HIVEP2: variants seen among roughly 807,000 people sequenced by gnomAD.
The protein encoded by HIVEP2 is HIVEP zinc finger 2.
A neutral mutation model predicts 180.7 loss-of-function variants in HIVEP2; 14 were observed. The observed-to-expected ratio is 0.08, with a 90% confidence interval of 0.05 to 0.12. HIVEP2 has a LOEUF of 0.12. Among genes scored for constraint, HIVEP2 ranks in the 10% least tolerant of loss-of-function variants. The pLI is 1.00. For missense variants in HIVEP2, 2,579 were observed against 3,008.5 expected (o/e 0.86, Z 3.34); for synonymous variants, 1,184 against 1,136.4 (o/e 1.04, Z -0.84).
Position 142,753,093 on chromosome 6 carries a change from CCATG to C in HIVEP2, c.*10_*13del. On this transcript the variant is annotated 3_prime_UTR_variant, in exon 10 of 10. Transcript: ENST00000367603. ...TGGGAAAATGTGGAAATGAAAGTCT[CCATG>C]CATCATAGATCAATGTAGCTGACTC... 6.9e-7 allele frequency: 1 copy of C among 1,450,954 alleles called. No individual in the cohort carries two copies. Among genetic ancestry groups the C allele is most frequent in the Non-Finnish European group, 9.7e-7 (1 of 1,031,610 alleles). The allele number at this position is 1,450,954 out of a possible 1,614,324, so 89.9% of individuals were successfully genotyped here.
At chr6:142,821,087 A>G (rs1222916580) in intron 2 of HIVEP2, among the ~76,000 whole-genome samples, 1 of 152,194 alleles carries the variant, frequency 6.6e-6, no homozygotes, top group African/African-American at 2.4e-5. Flanking sequence ...AGCCAGAGTC[A>G]ATCCAAATCT....
intron 1 of HIVEP2, among the ~76,000 whole-genome samples, chr6:142,863,260 T>C (rs1462998844): frequency 1.3e-5 from 2 of 151,462 alleles, no homozygotes; most frequent in African/African-American, 4.8e-5. Flanking sequence ...AACAAAACTA[T>C]ATGTTAAAAT....
chr6:142,901,899 G>A (rs1777142344), intron 1 of HIVEP2, among the ~76,000 whole-genome samples: 1 of 152,146 alleles, frequency 6.6e-6, no homozygotes, highest in African/African-American at 2.4e-5. Flanking sequence ...GGCAAAACAG[G>A]TGGATAAAAT....
chr6:142,809,210 G>T (rs1562243965), intron 2 of HIVEP2, among the ~76,000 whole-genome samples: 1 of 151,970 alleles, frequency 6.6e-6, no homozygotes, highest in Non-Finnish European at 1.5e-5. Context: ...CAAAAGTCAG[G>T]TCTCTAATCT....
chr6:142,921,785 G>A (rs1171599384), intron 1 of HIVEP2, among the ~76,000 whole-genome samples: 1 of 152,104 alleles, frequency 6.6e-6, no homozygotes, highest in African/African-American at 2.4e-5. Context: ...TGGAAATCTA[G>A]GACTTAATCC....
At chr6:142,779,115 G>C (rs1366359381) in intron 3 of HIVEP2, among the ~76,000 whole-genome samples, 3 of 152,130 alleles carry the variant, frequency 2.0e-5, no homozygotes, top group Admixed American at 6.5e-5. Flanking sequence ...TATTTTTAGA[G>C]GAGGGGGGTC....
intron 3 of HIVEP2, among the ~76,000 whole-genome samples, chr6:142,776,418 C>A (rs1582848889): frequency 1.3e-5 from 2 of 152,308 alleles, no homozygotes; most frequent in South Asian, 2.1e-4. Context: ...ATAAAAACAT[C>A]ATAGTAATAT....
intron 3 of HIVEP2, among the ~76,000 whole-genome samples, chr6:142,783,146 G>A (rs1042445756): frequency 4.0e-5 from 6 of 151,888 alleles, no homozygotes; most frequent in African/African-American, 9.7e-5. Flanking sequence ...TGGCCAACAT[G>A]GTGAAACCCT....
chr6:142,859,573 T>A (rs1223949514), intron 1 of HIVEP2, among the ~76,000 whole-genome samples: 1 of 151,168 alleles, frequency 6.6e-6, no homozygotes, highest in African/African-American at 2.4e-5. Context: ...GTGGCTCATG[T>A]CAGTAATCCC....
intron 1 of HIVEP2, among the ~76,000 whole-genome samples, chr6:142,906,715 T>A (rs936524274): frequency 1.3e-5 from 2 of 152,126 alleles, no homozygotes; most frequent in African/African-American, 2.4e-5. Flanking sequence ...AATATGGTAA[T>A]ATGCAAAATG....
intron 1 of HIVEP2, among the ~76,000 whole-genome samples, chr6:142,845,884 A>C (rs888919558): frequency 5.3e-5 from 8 of 152,234 alleles, no homozygotes; most frequent in Non-Finnish European, 1.0e-4. Flanking sequence ...CGCAGACACC[A>C]AAAGAGAGCA....
chr6:142,911,420 A>G (rs1286492101), intron 1 of HIVEP2, among the ~76,000 whole-genome samples: 1 of 152,256 alleles, frequency 6.6e-6, no homozygotes, highest in Non-Finnish European at 1.5e-5. Flanking sequence ...CAACACAGAA[A>G]GAGAAGTGTC....
chr6:142,853,297 T>C (rs907394285), intron 1 of HIVEP2, among the ~76,000 whole-genome samples: 2 of 152,174 alleles, frequency 1.3e-5, no homozygotes, highest in African/African-American at 4.8e-5. Flanking sequence ...ACACTCCCAG[T>C]AGAGAAGGGA....
intron 3 of HIVEP2, among the ~76,000 whole-genome samples, chr6:142,781,419 T>C (rs1004243741): frequency 6.6e-6 from 1 of 152,156 alleles, no homozygotes. Flanking sequence ...AGTTAAAATT[T>C]TCTCTAGTGG....
chr6:142,818,234 C>T (rs1165732625), intron 2 of HIVEP2, among the ~76,000 whole-genome samples: 2 of 152,054 alleles, frequency 1.3e-5, no homozygotes, highest in Non-Finnish European at 2.9e-5. Flanking sequence ...GTACAAGCTC[C>T]CTTCTAAAGG....
chr6:142,907,110 C>A (rs1777281626), intron 1 of HIVEP2, among the ~76,000 whole-genome samples: 1 of 152,168 alleles, frequency 6.6e-6, no homozygotes, highest in African/African-American at 2.4e-5. Context: ...TGTGAATGGT[C>A]CGTAGCATAT....
intron 3 of HIVEP2, among the ~76,000 whole-genome samples, chr6:142,777,834 A>G (rs1775744749): frequency 6.6e-6 from 1 of 152,170 alleles, no homozygotes; most frequent in African/African-American, 2.4e-5. Flanking sequence ...ATTTTTTAAA[A>G]TGCTACCATG....
intron 1 of HIVEP2, among the ~76,000 whole-genome samples, chr6:142,936,682 C>T (rs191164320): frequency 3.3e-5 from 5 of 152,126 alleles, no homozygotes; most frequent in African/African-American, 4.8e-5. Flanking sequence ...ATAAGTCTTA[C>T]GATGTTTCTT....
rs116802571 is a variant in HIVEP2 at position 142,842,384 on chromosome 6, C to T, written c.-640-5337G>A. 7.4e-3 allele frequency among the ~76,000 whole-genome samples: 1,124 copies of T among 152,110 alleles called. 12 individuals carry two copies. The highest frequency in any genetic ancestry group is 0.025 in the African/African-American group (1,045 of 41,466). On this transcript the variant is annotated intron_variant, in intron 1 of 9. Transcript: ENST00000367603. ...ACAAAGCTAGGTACTCTCAAGGAAT[C>T]TTATGGTTTACATAACCGATATGGT...
Sources: allele counts gnomAD v4.1 joint callset (sites outside exome capture counted in the v4.1 genomes callset), GRCh38; gene constraint gnomAD v4.1.1; transcripts MANE v1.5; gene names NCBI Gene and HGNC (gene_info 2026-07-23, HGNC 2026-07-21).